Variants in FBXO34 observed in about 807,000 individuals in gnomAD.
The protein encoded by FBXO34 is F-box protein 34.
In FBXO34, 12 loss-of-function variants were observed where a neutral mutation model predicts 24.5. The observed-to-expected ratio is 0.49, with a 90% CI of 0.31 to 0.79. The LOEUF is 0.79. FBXO34 is among the 30% of genes least tolerant of loss of function. The pLI is 0.04. For synonymous variants in FBXO34, 320 were observed against 311.9 expected (o/e 1.03, Z -0.27); for missense variants, 823 against 857.7 (o/e 0.96, Z 0.51).
the FBXO34 span, among the ~76,000 whole-genome samples, chr14:55,405,755 A>G: frequency 6.6e-6 from 1 of 152,080 alleles, no homozygotes; most frequent in Non-Finnish European, 1.5e-5. Context: ...AGATCCAAAG[A>G]CTGTGTTGGA....
chr14:55,311,089 A>G (rs77909481), intron 1 of FBXO34, among the ~76,000 whole-genome samples: 292 of 152,354 alleles, frequency 1.9e-3, no homozygotes, highest in African/African-American at 6.8e-3. Context: ...TGAGACTGTA[A>G]TTTATAAAGG....
chr14:55,323,409 A>G (rs545162541), intron 1 of FBXO34, among the ~76,000 whole-genome samples: 1 of 145,558 alleles, frequency 6.9e-6, no homozygotes, highest in East Asian at 2.1e-4. Flanking sequence ...TTTGAGATGT[A>G]ATCTCGCTCT....
chr14:55,278,883 C>T (rs1021678574), intron 1 of FBXO34, among the ~76,000 whole-genome samples: 1 of 152,154 alleles, frequency 6.6e-6, no homozygotes, highest in Admixed American at 6.5e-5. Flanking sequence ...GATGAGGTCT[C>T]GCCATGTTGC....
the FBXO34 span, among the ~76,000 whole-genome samples, chr14:55,422,543 C>G: frequency 6.6e-5 from 10 of 152,268 alleles, no homozygotes; most frequent in South Asian, 1.9e-3. Context: ...GCCACCGCGC[C>G]CGGTCATAAA....
chr14:55,298,550 T>C, intron 1 of FBXO34: 1 of 639,574 alleles, frequency 1.6e-6, no homozygotes, highest in Non-Finnish European at 2.8e-6. Context: ...CTTGTCCTCA[T>C]CTTTGAAAAA....
chr14:55,374,596 G>A (rs1884884347), downstream of FBXO34, among the ~76,000 whole-genome samples: 1 of 152,124 alleles, frequency 6.6e-6, no homozygotes, highest in South Asian at 2.1e-4. Flanking sequence ...GCTTACTTGG[G>A]AATTCCCTCA....
At chr14:55,385,794 G>T in the FBXO34 span, 1 of 1,304,802 alleles carries the variant, frequency 7.7e-7, no homozygotes, top group South Asian at 1.4e-5. Context: ...ATAAGGTAAT[G>T]ACATACTTTA....
the FBXO34 span, among the ~76,000 whole-genome samples, chr14:55,426,339 A>G: frequency 2.6e-5 from 4 of 152,146 alleles, no homozygotes. Context: ...TGATTATGTC[A>G]TAGAAAGATT....
rs386381425 is a variant in FBXO34, at chr14:55,327,908, GTTTTTTTTTTTTTTTTTTTTT to G, written c.-10-22458_-10-22438del. On this transcript the variant is annotated intron_variant, in intron 1 of 1. Transcript: ENST00000313833. ...CATATGATTTTCTTTGTTGTTGTTG[GTTTTTTTTTTTTTTTTTTTTT>G]TTTTTTTTTTTTTTGGAGACAGACT... Among the ~76,000 whole-genome samples, 16 of 48,732 alleles carry G rather than the reference GTTTTTTTTTTTTTTTTTTTTT, an allele frequency of 3.3e-4. No individual in the cohort carries two copies. The South Asian group carries it at 8.2e-3, about 25-fold the overall frequency. The allele number at this position is 48,732 out of a possible 152,430, so 32.0% of individuals were successfully genotyped here. A position where few individuals can be genotyped will look rare whatever the true frequency, so the allele number is the denominator to read the frequency against.
chr14:55,328,700 G>A (rs942074658), intron 1 of FBXO34, among the ~76,000 whole-genome samples: 1 of 152,184 alleles, frequency 6.6e-6, no homozygotes, highest in Non-Finnish European at 1.5e-5. Context: ...AGAGGTTTGG[G>A]TTAGCCACTT....
chr14:55,355,744 CAGAG>C (rs1456062474), downstream of FBXO34, among the ~76,000 whole-genome samples: 1 of 152,240 alleles, frequency 6.6e-6, no homozygotes, highest in African/African-American at 2.4e-5. Context: ...GCACTCAACT[CAGAG>C]GGCATCGCCC....
chr14:55,439,578 G>A, the FBXO34 span, among the ~76,000 whole-genome samples: 1 of 136,802 alleles, frequency 7.3e-6, no homozygotes, highest in Non-Finnish European at 1.5e-5. Context: ...ATGACTTGAG[G>A]TCAAGAGTTC....
At chr14:55,415,406 T>TA in the FBXO34 span, among the ~76,000 whole-genome samples, 1 of 152,156 alleles carries the variant, frequency 6.6e-6, no homozygotes, top group Non-Finnish European at 1.5e-5. Flanking sequence ...GTTCGGTGGT[T>TA]AAGTTAAAGA....
the FBXO34 span, among the ~76,000 whole-genome samples, chr14:55,376,531 G>A: frequency 6.6e-6 from 1 of 152,164 alleles, no homozygotes; most frequent in South Asian, 2.1e-4. Context: ...TTATAAAGGA[G>A]TCTATGTCCT....
the FBXO34 span, among the ~76,000 whole-genome samples, chr14:55,388,588 T>C: frequency 5.4e-4 from 83 of 152,380 alleles, 6 homozygotes; most frequent in South Asian, 0.017. Context: ...TACTATATAA[T>C]GTATATCATG....
downstream of FBXO34, among the ~76,000 whole-genome samples, chr14:55,373,177 T>A (rs190682394): frequency 6.6e-4 from 101 of 152,350 alleles, 1 homozygote; most frequent in Middle Eastern, 3.4e-3. Flanking sequence ...ATTATAAAAT[T>A]GTTTCCTAAT....
At chr14:55,312,522 C>T (rs894325019) in intron 1 of FBXO34, among the ~76,000 whole-genome samples, 1 of 152,236 alleles carries the variant, frequency 6.6e-6, no homozygotes, top group Non-Finnish European at 1.5e-5. Context: ...CCCTTCCGCA[C>T]TGCCCTAGCA....
chr14:55,401,739 G>A, the FBXO34 span, among the ~76,000 whole-genome samples: 4 of 152,138 alleles, frequency 2.6e-5, no homozygotes, highest in Admixed American at 1.3e-4. Context: ...GGAGAAGGGT[G>A]CTCGCACACA....
intron 1 of FBXO34, among the ~76,000 whole-genome samples, chr14:55,331,689 A>ATATATATATATATATGTATATATATATG (rs1883551841): frequency 3.2e-5 from 2 of 62,458 alleles, no homozygotes; most frequent in African/African-American, 2.3e-4. Context: ...ATATATGTGT[A>ATATATATATATATATGTATATATATATG]TATATATATA....
Sources: allele counts gnomAD v4.1 joint callset (sites outside exome capture counted in the v4.1 genomes callset), GRCh38; gene constraint gnomAD v4.1.1; transcripts MANE v1.5; gene names NCBI Gene and HGNC (gene_info 2026-07-23, HGNC 2026-07-21).